The following A2ML1 variants were observed in gnomAD, a reference collection of about 807,000 sequenced individuals.
A2ML1 encodes the protein alpha-2-macroglobulin like 1.
A neutral mutation model predicts 181.9 loss-of-function variants in A2ML1; 161 were observed. The observed-to-expected ratio is 0.89, with a 90% confidence interval of 0.78 to 1.01. The LOEUF is 1.01. Ranked by LOEUF, A2ML1 falls within the 50% of genes least tolerant of loss-of-function variation. The pLI, the probability that A2ML1 is intolerant of heterozygous loss-of-function variation, is 0.00. For missense variants in A2ML1, 1,670 were observed against 1,768.1 expected, an observed-to-expected ratio of 0.94 and a Z score of 1.00; for synonymous variants, 663 against 666.8, an observed-to-expected ratio of 0.99 and a Z score of 0.09.
At position 8,841,546 on chromosome 12, in the gene A2ML1, G is replaced by A. The variant is rs774798529; in HGVS notation, c.1248+10G>A. ...AGACGTTTCTCTGGAGGTAAGCATG[G>A]ACGGAGGACCAGCTTCCTAGAAAGG... On this transcript the variant is annotated intron_variant, in intron 11 of 35. Transcript: ENST00000299698. 6 of 1,602,170 alleles carry A rather than the reference G, an allele frequency of 3.7e-6. No homozygotes were observed. The East Asian group carries it at 1.1e-4, about 30-fold the overall frequency.
At chr12:8,873,710 G>A (rs1023853127) in intron 33 of A2ML1, among the ~76,000 whole-genome samples, 4 of 152,126 alleles carry the variant, frequency 2.6e-5, no homozygotes, top group African/African-American at 9.7e-5. Flanking sequence ...GGTGTTCAAG[G>A]AAAGCCTCTT....
rs1565487992 is a variant in A2ML1 at position 8,861,320 on chromosome 12, TC to T, written c.3502+24del. 3 of 1,612,184 alleles carry T rather than the reference TC, an allele frequency of 1.9e-6. No individual in the cohort carries two copies. The Admixed American group carries it at 5.0e-5, about 27-fold the overall frequency. On this transcript the variant is annotated intron_variant, in intron 28 of 35. Transcript: ENST00000299698. ...CAGGTATGTTGGTCCTGTTGAGAGT[TC>T]TTTGAAATTGTGAACATAAGCTGTG...
rs754964236 is a variant in A2ML1, at chr12:8,869,132, C to T, written c.4153-3C>T. Reference sequence around the variant, plus strand: ...ATCTTTTTTTTCTCCCTCTCTTATTCAGCTTCTCCAGCAACCCCTGGTGAA... The same window carrying T: ...ATCTTTTTTTTCTCCCTCTCTTATTTAGCTTCTCCAGCAACCCCTGGTGAA... On this transcript the variant is annotated splice_region_variant and splice_polypyrimidine_tract_variant and intron_variant, in intron 32 of 35. Coordinates refer to ENST00000299698, the MANE Select transcript of A2ML1 (RefSeq NM_144670.6). 1.3e-5 allele frequency: 21 copies of T among 1,613,908 alleles called. No homozygotes were observed. The highest frequency in any genetic ancestry group is 3.3e-5 in the Admixed American group (2 of 59,982).
Position 8,849,671 on chromosome 12 carries a change from C to T in A2ML1, c.2031C>T (p.Asp677=), listed in dbSNP as rs373281171. ...CTTATTTCTCTGATGCCTATCAGGA[C>T]GTGGGCCTGAAAATACTGTCCAATG... is the stretch of plus-strand genomic sequence containing the variant. The part of the protein sequence containing the change: ...EGTDLFSFFR[D]VGLKILSNAK... Residue 677 remains aspartate, a splice_region_variant and synonymous_variant, in exon 17 of 36, where the codon GAC becomes GAT. Coordinates refer to ENST00000299698, the MANE Select transcript of A2ML1 (RefSeq NM_144670.6). The T allele has an allele frequency of 1.2e-5, 19 of 1,613,868 alleles. No homozygotes were observed. The highest frequency in any genetic ancestry group is 2.7e-5 in the African/African-American group (2 of 74,914).
rs769029517 is a variant in A2ML1, at chr12:8,841,489, T to C, written c.1201T>C (p.Phe401Leu). 6.2e-7 allele frequency: 1 copy of C among 1,614,012 alleles called. No homozygotes were observed. Among genetic ancestry groups the C allele is most frequent in the Non-Finnish European group, 8.5e-7 (1 of 1,180,026 alleles). The change falls in exon 11 of 36, where the codon TTT becomes CTT. Residue 401 changes from phenylalanine (F) to leucine (L), a missense_variant. Phe to Leu is a conservative substitution (Grantham distance 22). Transcript: ENST00000299698. Reference sequence around the variant, plus strand: ...TACTGATAACAATGGCCTAGCTCCCTTTACCTTGGAGACATCCGGTTGGAA... The same window carrying C: ...TACTGATAACAATGGCCTAGCTCCCCTTACCTTGGAGACATCCGGTTGGAA... ...LVTDNNGLAP[F>L]TLETSGWNGT...
rs769554463 is a variant in A2ML1 at position 8,825,948 on chromosome 12, GTATT to G, written c.409+2068_409+2071del. 2.6e-5 allele frequency among the ~76,000 whole-genome samples: 4 copies of G among 152,124 alleles called. No individual in the cohort carries two copies. In the East Asian group the frequency reaches 5.8e-4, roughly 22 times the overall value. On this transcript the variant is annotated intron_variant, in intron 3 of 35. Coordinates refer to ENST00000299698, the MANE Select transcript of A2ML1 (RefSeq NM_144670.6). ...TCTCTATTCTGTTCCATTGGTCTAT[GTATT>G]TGTTTTTATGACAGTACCATGCTGT... is the stretch of plus-strand genomic sequence containing the variant.
Position 8,841,375 on chromosome 12 carries a change from G to A in A2ML1, c.1087G>A (p.Val363Ile), listed in dbSNP as rs1458340335. The A allele has an allele frequency of 1.2e-6, 2 of 1,614,066 alleles. No individual in the cohort carries two copies. The highest frequency in any genetic ancestry group is 1.7e-6 in the Non-Finnish European group (2 of 1,179,994). Reference protein sequence around the residue: ...PNFPFSGKIRVRGHDDSFLKN... With the variant: ...PNFPFSGKIRIRGHDDSFLKN... ...AATGATCTTTGTCCTTCAGATAAGAGTTAGGGGCCATGATGACTCCTTCCT... is the reference window on the plus strand; with the variant it reads ...AATGATCTTTGTCCTTCAGATAAGAATTAGGGGCCATGATGACTCCTTCCT... Residue 363 changes from valine (V) to isoleucine (I), a missense_variant, in exon 11 of 36, where the codon GTT becomes ATT. By Grantham distance (29) the Val-to-Ile change is conservative (BLOSUM62 3). Transcript: ENST00000299698.
In A2ML1 at chr12:8,873,209, C is replaced by T. The variant is rs545100660; in HGVS notation, c.4222-1216C>T. Among the ~76,000 whole-genome samples, 42 of 151,482 alleles carry T rather than the reference C, an allele frequency of 2.8e-4. 2 individuals are homozygous for T. Among genetic ancestry groups the T allele is most frequent in the African/African-American group, 7.5e-4 (31 of 41,252 alleles). ...ACTTTGGAAATCCCTTCCAATTAGG[C>T]GTTAATAGCGCTATATCTAAATTTA... On this transcript the variant is annotated intron_variant, in intron 33 of 35. Coordinates refer to ENST00000299698, the MANE Select transcript of A2ML1 (RefSeq NM_144670.6).
At chr12:8,826,876 C>G (rs1942946743) in intron 3 of A2ML1, among the ~76,000 whole-genome samples, 1 of 152,170 alleles carries the variant, frequency 6.6e-6, no homozygotes, top group African/African-American at 2.4e-5. Context: ...CACTCAGCCT[C>G]CCAAAGTGCT....
chr12:8,841,575 G>C, intron 11 of A2ML1, 39 bp downstream of exon 11: 4 of 1,574,348 alleles, frequency 2.5e-6, no homozygotes, highest in South Asian at 2.3e-5. Flanking sequence ...AGAAAGGAAG[G>C]CTTCCCTGAA....
chr12:8,841,009 A>AGGAAGGAG (rs1455920945), intron 10 of A2ML1, among the ~76,000 whole-genome samples: 1 of 76,960 alleles, frequency 1.3e-5, no homozygotes, highest in Non-Finnish European at 3.0e-5. Flanking sequence ...GAAGGAAGGA[A>AGGAAGGAG]GGACGGAAGG....
intron 32 of A2ML1, 50 bp downstream of exon 32, chr12:8,868,677 G>T (rs193243162): frequency 4.5e-6 from 7 of 1,538,590 alleles, no homozygotes; most frequent in Non-Finnish European, 6.2e-6. Flanking sequence ...GGGACCTAAC[G>T]TTATAATTTA....
At chr12:8,883,429 C>T (rs888412343) in intron 7 of A2ML1, among the ~76,000 whole-genome samples, 2 of 152,230 alleles carry the variant, frequency 1.3e-5, no homozygotes, top group South Asian at 2.1e-4. Context: ...TTCCAGCCTA[C>T]AAAAAGTAAC....
chr12:8,824,714 C>CA (rs1047730757), intron 3 of A2ML1, among the ~76,000 whole-genome samples: 3 of 149,386 alleles, frequency 2.0e-5, no homozygotes, highest in African/African-American at 7.5e-5. Flanking sequence ...CTCTCTCTTT[C>CA]AAAAAAATTT....
At chr12:8,848,994 C>T in intron 16 of A2ML1, 80 bp downstream of exon 16, 1 of 1,463,550 alleles carries the variant, frequency 6.8e-7, no homozygotes, top group Non-Finnish European at 9.3e-7. Context: ...TCTAAGAAAG[C>T]AGAGAGACTC....
At chr12:8,837,271 C>T (rs375701384) in intron 7 of A2ML1, among the ~76,000 whole-genome samples, 169 bp from the exon 8 acceptor site, 4 of 151,892 alleles carry the variant, frequency 2.6e-5, no homozygotes, top group Non-Finnish European at 4.4e-5. Flanking sequence ...ACACCTGTCT[C>T]GGCCTCCCAA....
chr12:8,868,217 T>G lies in A2ML1; in HGVS notation c.3934-13T>G. 1 of 1,613,712 alleles carries G rather than the reference T, an allele frequency of 6.2e-7. No individual in the cohort carries two copies. Among genetic ancestry groups the G allele is most frequent in the Non-Finnish European group, 8.5e-7 (1 of 1,179,952 alleles). On this transcript the variant is annotated splice_polypyrimidine_tract_variant and intron_variant, in intron 30 of 35. Transcript: ENST00000299698. ...TTCCAAGTCTGATTTGGCTACCTAT[T>G]TCTTCCTACCAGACGGTGTTGAGAT...
chr12:8,843,101 T>G (rs1269623243), intron 11 of A2ML1, 33 bp from the exon 12 acceptor site: 1 of 1,596,530 alleles, frequency 6.3e-7, no homozygotes, highest in Non-Finnish European at 8.6e-7. Flanking sequence ...TTGGAGCACA[T>G]GCTAAAATTC....
intron 6 of A2ML1, 147 bp from the exon 7 acceptor site, chr12:8,836,108 A>T: frequency 1.6e-6 from 1 of 636,798 alleles, no homozygotes; most frequent in Non-Finnish European, 2.8e-6. Context: ...TGAACCAGCT[A>T]ATTACTTCAG....
Sources: allele counts gnomAD v4.1 joint callset (sites outside exome capture counted in the v4.1 genomes callset), GRCh38; gene constraint gnomAD v4.1.1; transcripts MANE v1.5; gene names NCBI Gene and HGNC (gene_info 2026-07-23, HGNC 2026-07-21).